Variants in BUD31 observed in about 807,000 individuals in gnomAD.
BUD31 encodes the protein protein BUD31 homolog.
A neutral mutation model predicts 17.9 loss-of-function variants in BUD31; 9 were observed. That is an observed-to-expected ratio of 0.50 (90% CI 0.30 to 0.88). The LOEUF is 0.88. BUD31 is among the 40% of genes least tolerant of loss of function. BUD31 has a pLI of 0.06. For synonymous variants in BUD31, 70 were observed against 64.7 expected (o/e 1.08, Z -0.39); for missense variants, 148 against 184.5 (o/e 0.80, Z 1.15).
Position 99,409,159 on chromosome 7 carries a change from C to T in BUD31, c.-252C>T, listed in dbSNP as rs1000698508. ...TGGACCTTGAGGCCGGAGAGAGCTC[C>T]CGAGAGGAGGCGGCGCCACGTTCGT... On this transcript the variant is annotated 5_prime_UTR_variant, in exon 1 of 6. Transcript: ENST00000222969. The T allele has an allele frequency of 2.3e-4, 35 of 152,296 alleles. No individual in the cohort carries two copies. Among genetic ancestry groups the T allele is most frequent in the African/African-American group, 8.2e-4 (34 of 41,440 alleles). The allele number at this position is 152,296 out of a possible 1,614,324, so 9.4% of individuals were successfully genotyped here. A position where few individuals can be genotyped will look rare whatever the true frequency, so the allele number is the denominator to read the frequency against.
At chr7:99,409,779 G>T (rs1262724841) in intron 1 of BUD31, among the ~76,000 whole-genome samples, 4 of 104,496 alleles carry the variant, frequency 3.8e-5, no homozygotes, top group African/African-American at 1.5e-4. Flanking sequence ...CGGGGGGGGG[G>T]TGGGTCTTTG....
chr7:99,418,310 C>T (rs986317120), intron 5 of BUD31: 4 of 160,612 alleles, frequency 2.5e-5, no homozygotes, highest in South Asian at 1.7e-4. Flanking sequence ...AAGTACCACT[C>T]CTAGGCCAGG....
intron 3 of BUD31, among the ~76,000 whole-genome samples, chr7:99,415,463 CCACCAAAGCACAGCAT>C (rs796721131): frequency 2.0e-4 from 30 of 152,246 alleles, no homozygotes; most frequent in African/African-American, 7.2e-4. Flanking sequence ...AGGAGCGTGA[CCACCAAAGCACAGCAT>C]CACAGGGAGA....
At chr7:99,417,881 G>T (rs1007871123) in intron 5 of BUD31, 1 of 1,359,946 alleles carries the variant, frequency 7.4e-7, no homozygotes, top group Non-Finnish European at 9.5e-7. Flanking sequence ...TAATCCCAAG[G>T]TGGTGGCAGG....
intron 4 of BUD31, 62 bp from the exon 5 acceptor site, chr7:99,417,367 G>C (rs1359268256): frequency 6.4e-7 from 1 of 1,566,638 alleles, no homozygotes; most frequent in Admixed American, 1.7e-5. Flanking sequence ...TGCTTTTTTT[G>C]ATCAAGGGTG....
chr7:99,412,145 C>G (rs1381718113), intron 3 of BUD31, among the ~76,000 whole-genome samples: 1 of 152,172 alleles, frequency 6.6e-6, no homozygotes, highest in Non-Finnish European at 1.5e-5. Flanking sequence ...AAAAACTGTT[C>G]GTACCAGATA....
rs186683100 is a variant in BUD31, at chr7:99,409,612, G to A, written c.-166+367G>A. ...TCACCTATTTTTAGCTTCAGCGTAG[G>A]GGAGACTAGTGCGAAGACCACTGAT... On this transcript the variant is annotated intron_variant, in intron 1 of 5. Transcript: ENST00000222969. Among the ~76,000 whole-genome samples the A allele has an allele frequency of 2.2e-3, 333 of 152,214 alleles. 1 individual carries two copies. Among genetic ancestry groups the A allele is most frequent in the Non-Finnish European group, 3.1e-3 (211 of 68,010 alleles).
chr7:99,414,779 G>C (rs977744725), intron 3 of BUD31, among the ~76,000 whole-genome samples: 7 of 152,214 alleles, frequency 4.6e-5, no homozygotes, highest in African/African-American at 1.4e-4. Flanking sequence ...TGTATTTTTA[G>C]TAGAGATGGG....
chr7:99,419,584 G>C lies in BUD31; in HGVS notation c.*143G>C. The C allele has an allele frequency of 1.1e-6, 1 of 943,910 alleles. No homozygotes were observed. Among genetic ancestry groups the C allele is most frequent in the South Asian group, 1.5e-5 (1 of 65,936 alleles). 58.5% of individuals were successfully genotyped at this position (943,910 alleles called of 1,614,324 possible). ...GAAGGCTTCGCTGTCTATCAGCTGT[G>C]ATTTGTAAAAATAAAATCTTTAAAT... On this transcript the variant is annotated 3_prime_UTR_variant, in exon 6 of 6. Coordinates refer to ENST00000222969, the MANE Select transcript of BUD31 (RefSeq NM_003910.4).
chr7:99,417,278 C>G (rs1284006974), intron 4 of BUD31, 151 bp from the exon 5 acceptor site: 5 of 702,148 alleles, frequency 7.1e-6, no homozygotes, highest in Non-Finnish European at 1.2e-5. Flanking sequence ...GTCCTGAACT[C>G]CTGACCTCAG....
At position 99,417,442 on chromosome 7, in the gene BUD31, T is replaced by C. The variant is rs113830555; in HGVS notation, c.231T>C (p.Tyr77=). The C allele has an allele frequency of 7.8e-4, 1,266 of 1,613,894 alleles. 8 individuals carry two copies. In the African/African-American group the frequency reaches 0.015, roughly 19 times the overall value. Residue 77 remains tyrosine, a synonymous_variant, in exon 5 of 6, where the codon TAT becomes TAC. Coordinates refer to ENST00000222969, the MANE Select transcript of BUD31 (RefSeq NM_003910.4). The part of the protein sequence containing the change: ...RKAISRELYE[Y]CIKEGYADKN... ...TCTTTTTGACAGAACTCTATGAATA[T>C]TGTATTAAAGAAGGCTATGCAGACA...
chr7:99,413,847 C>T (rs1046082199), intron 3 of BUD31, among the ~76,000 whole-genome samples: 2 of 152,258 alleles, frequency 1.3e-5, no homozygotes, highest in African/African-American at 2.4e-5. Context: ...CCACCTCGGC[C>T]TCCAAAAGTG....
Position 99,419,517 on chromosome 7 carries a change from G to T in BUD31, c.*76G>T. 1 of 1,555,086 alleles carries T rather than the reference G, an allele frequency of 6.4e-7. No homozygotes were observed. On this transcript the variant is annotated 3_prime_UTR_variant, in exon 6 of 6. Transcript: ENST00000222969. Reference sequence around the variant, plus strand: ...ACGCCACCCCCTTCCTGGGAGCAGCGAGCAGTGCCCCAGGCCCGAGTTGGA... The same window carrying T: ...ACGCCACCCCCTTCCTGGGAGCAGCTAGCAGTGCCCCAGGCCCGAGTTGGA...
In BUD31 at chr7:99,417,502, T is replaced by C. The variant is rs1312658611; in HGVS notation, c.291T>C (p.Tyr97=). ...NLIAKWKKQG[Y]ENLCCLRCIQ... ...TTGCAAAATGGAAAAAGCAAGGATA[T>C]GAGAACTTGTGCTGCCTGCGGTGCA... The change falls in exon 5 of 6, where the codon TAT becomes TAC. Residue 97 remains tyrosine, a synonymous_variant. Transcript: ENST00000222969. The C allele has an allele frequency of 1.2e-6, 2 of 1,611,636 alleles. No homozygotes were observed. Among genetic ancestry groups the C allele is most frequent in the Admixed American group, 3.3e-5 (2 of 59,778 alleles).
chr7:99,409,538 C>T (rs1322117672), intron 1 of BUD31, among the ~76,000 whole-genome samples: 1 of 151,960 alleles, frequency 6.6e-6, no homozygotes, highest in Admixed American at 6.6e-5. Context: ...CGTAGAAAAG[C>T]GATCATTCTC....
Position 99,419,486 on chromosome 7 carries a change from C to T in BUD31, c.*45C>T. The T allele has an allele frequency of 6.2e-7, 1 of 1,602,826 alleles. No homozygotes were observed. The highest frequency in any genetic ancestry group is 1.1e-5 in the South Asian group (1 of 90,992). On this transcript the variant is annotated 3_prime_UTR_variant, in exon 6 of 6. Coordinates refer to ENST00000222969, the MANE Select transcript of BUD31 (RefSeq NM_003910.4). The stretch of plus-strand genomic sequence containing the variant: ...GGACTCTGGACTTCGCAGGTTCCTG[C>T]CTGTCACGCCACCCCCTTCCTGGGA...
intron 5 of BUD31, 141 bp from the exon 6 acceptor site, chr7:99,419,250 A>C: frequency 6.9e-6 from 7 of 1,011,212 alleles, no homozygotes; most frequent in Non-Finnish European, 8.9e-6. Flanking sequence ...TTCCCTGTCC[A>C]GAGCTGTCAA....
intron 5 of BUD31, chr7:99,419,064 G>C (rs117194181): frequency 0.033 from 11,138 of 342,576 alleles, 277 homozygotes; most frequent in South Asian, 0.065. Context: ...AGCCACGTCT[G>C]CTCATCGCAG....
rs1795561373 is a variant in BUD31, at chr7:99,417,420, T to G, written c.218-9T>G. 2 of 1,613,662 alleles carry G rather than the reference T, an allele frequency of 1.2e-6. No individual in the cohort carries two copies. Among genetic ancestry groups the G allele is most frequent in the Non-Finnish European group, 1.7e-6 (2 of 1,179,744 alleles). On this transcript the variant is annotated splice_polypyrimidine_tract_variant and intron_variant, in intron 4 of 5. Coordinates refer to ENST00000222969, the MANE Select transcript of BUD31 (RefSeq NM_003910.4). ...ATGGCCTGATGCTCTTTCCCCATCT[T>G]TTTGACAGAACTCTATGAATATTGT...
Sources: gnomAD v4.1 joint callset for allele counts (sites outside exome capture counted in the v4.1 genomes callset) on GRCh38, gnomAD v4.1.1 for gene constraint, MANE v1.5 for transcripts, NCBI Gene and HGNC (gene_info 2026-07-23, HGNC 2026-07-21) for gene names.